The following CAPZA2 variants were observed in gnomAD, a reference collection of about 807,000 sequenced individuals.
CAPZA2 encodes the protein F-actin-capping protein subunit alpha-2.
Under a neutral mutation model 44.0 loss-of-function variants are expected in CAPZA2, and 13 were observed. The observed-to-expected ratio is 0.30, with a 90% CI of 0.19 to 0.47. The LOEUF is 0.47. Ranked by LOEUF, CAPZA2 falls within the 20% of genes least tolerant of loss-of-function variation. The pLI is 1.00. For synonymous variants in CAPZA2, 94 were observed against 108.2 expected (o/e 0.87, Z 0.81); for missense variants, 244 against 338.6 (o/e 0.72, Z 2.19).
At chr7:116,902,985 T>C (rs1490595246) in intron 4 of CAPZA2, among the ~76,000 whole-genome samples, 3 of 152,144 alleles carry the variant, frequency 2.0e-5, no homozygotes, top group African/African-American at 7.2e-5. Flanking sequence ...AGCACTAGGA[T>C]TACAGGCATG....
intron 1 of CAPZA2, chr7:116,880,132 T>C (rs1040621316): frequency 2.6e-5 from 12 of 469,872 alleles, no homozygotes; most frequent in Non-Finnish European, 4.8e-5. Context: ...CCAATTTTTT[T>C]TTAAAGTAAA....
chr7:116,881,398 G>C (rs938206728), intron 1 of CAPZA2, among the ~76,000 whole-genome samples: 2 of 152,002 alleles, frequency 1.3e-5, no homozygotes, highest in Non-Finnish European at 2.9e-5. Context: ...TTTTTCCCCA[G>C]TCTTTAAATA....
chr7:116,921,622 C>G lies in CAPZA2; in HGVS notation c.*3755C>G, dbSNP rs908334838. The G allele has an allele frequency of 6.6e-6, 1 of 152,228 alleles. No individual in the cohort carries two copies. The highest frequency in any genetic ancestry group is 1.5e-5 in the Non-Finnish European group (1 of 68,074). The allele number at this position is 152,228 out of a possible 1,614,324, so 9.4% of individuals were successfully genotyped here. On this transcript the variant is annotated 3_prime_UTR_variant, in exon 10 of 10. Coordinates refer to ENST00000361183, the MANE Select transcript of CAPZA2 (RefSeq NM_006136.3). ...CTTTGAACCCAGGAAGTGACAGTTA[C>G]AACGAGCGGAGACTGTGCCACTTCA...
At chr7:116,890,523 AAAAT>A (rs1796819615) in intron 2 of CAPZA2, among the ~76,000 whole-genome samples, 1 of 38,574 alleles carries the variant, frequency 2.6e-5, no homozygotes, top group Non-Finnish European at 4.3e-5. Context: ...AAAAAAAAAA[AAAAT>A]ATATATATAT....
At chr7:116,863,066 G>A (rs1231439142) in intron 1 of CAPZA2, among the ~76,000 whole-genome samples, 1 of 152,150 alleles carries the variant, frequency 6.6e-6, no homozygotes, top group Non-Finnish European at 1.5e-5. Context: ...CAAGGGCAGT[G>A]CCCAGCGCGG....
intron 1 of CAPZA2, among the ~76,000 whole-genome samples, chr7:116,869,102 G>T (rs1326317639): frequency 2.0e-5 from 3 of 152,200 alleles, no homozygotes; most frequent in Admixed American, 6.5e-5. Flanking sequence ...ACTTGGATCT[G>T]TGGTTCCAAG....
chr7:116,872,512 T>G (rs1368652882), intron 1 of CAPZA2, among the ~76,000 whole-genome samples: 3 of 152,126 alleles, frequency 2.0e-5, no homozygotes, highest in African/African-American at 7.2e-5. Context: ...AGAGGAAAAC[T>G]TATTAAAACA....
At chr7:116,879,124 CAAAAAAAAAAAAA>C (rs71148337) in intron 1 of CAPZA2, among the ~76,000 whole-genome samples, 3 of 45,302 alleles carry the variant, frequency 6.6e-5, no homozygotes, top group African/African-American at 2.2e-4. Context: ...AACTCTGTCT[CAAAAAAAAAAAAA>C]AAAAAAAAAA....
chr7:116,910,936 A>G (rs1240650474), intron 7 of CAPZA2, among the ~76,000 whole-genome samples: 2 of 144,326 alleles, frequency 1.4e-5, no homozygotes, highest in South Asian at 2.2e-4. Flanking sequence ...GGTTGCAGTG[A>G]GCCGAGATTG....
intron 8 of CAPZA2, among the ~76,000 whole-genome samples, chr7:116,913,370 A>T (rs371756021): frequency 6.6e-6 from 1 of 152,138 alleles, no homozygotes; most frequent in African/African-American, 2.4e-5. Flanking sequence ...GTTTTCTTCT[A>T]AAAGTATTAT....
At chr7:116,903,385 G>C (rs1487744144) in intron 4 of CAPZA2, among the ~76,000 whole-genome samples, 2 of 151,942 alleles carry the variant, frequency 1.3e-5, no homozygotes, top group Non-Finnish European at 2.9e-5. Context: ...CTGTGTGTAT[G>C]CAAGTATAGA....
At chr7:116,889,716 T>A (rs918704773) in intron 2 of CAPZA2, among the ~76,000 whole-genome samples, 21 of 152,316 alleles carry the variant, frequency 1.4e-4, no homozygotes, top group Non-Finnish European at 1.0e-4. Context: ...ATTTAGTGCA[T>A]ACAATTACAT....
At chr7:116,901,805 A>C (rs907602328) in intron 4 of CAPZA2, among the ~76,000 whole-genome samples, 1 of 151,608 alleles carries the variant, frequency 6.6e-6, no homozygotes, top group African/African-American at 2.4e-5. Flanking sequence ...TAGAATCCTG[A>C]TCAGTTTTTT....
At chr7:116,915,971 TATAAC>T (rs1791673797) in intron 8 of CAPZA2, 84 bp from the exon 9 acceptor site, 3 of 871,102 alleles carry the variant, frequency 3.4e-6, no homozygotes, top group Non-Finnish European at 5.0e-6. Context: ...TGTTATTTAT[TATAAC>T]ATTACATTAA....
At chr7:116,915,802 T>C (rs2115987384) in intron 8 of CAPZA2, 2 of 230,128 alleles carry the variant, frequency 8.7e-6, no homozygotes, top group African/African-American at 2.3e-5. Flanking sequence ...AATTGAACTT[T>C]TCATCCATGT....
chr7:116,881,192 C>A (rs1019173948), intron 1 of CAPZA2, among the ~76,000 whole-genome samples: 1 of 152,060 alleles, frequency 6.6e-6, no homozygotes, highest in African/African-American at 2.4e-5. Context: ...ACATTCTTAA[C>A]AATTACTACT....
intron 1 of CAPZA2, among the ~76,000 whole-genome samples, chr7:116,877,371 A>G (rs371484599): frequency 6.6e-6 from 1 of 152,228 alleles, no homozygotes. Context: ...ACCACAGTAG[A>G]TAAAAAGATG....
intron 7 of CAPZA2, among the ~76,000 whole-genome samples, chr7:116,911,297 A>G (rs920282367): frequency 1.3e-5 from 2 of 152,178 alleles, no homozygotes; most frequent in Non-Finnish European, 2.9e-5. Context: ...TTTGACATTC[A>G]CACTGCCATC....
At chr7:116,882,705 A>G (rs1484071593) in intron 1 of CAPZA2, among the ~76,000 whole-genome samples, 1 of 152,204 alleles carries the variant, frequency 6.6e-6, no homozygotes, top group Admixed American at 6.5e-5. Context: ...GCGCAATAGA[A>G]TGGAGCATAT....
Sources: gnomAD v4.1 joint callset for allele counts (sites outside exome capture counted in the v4.1 genomes callset) on GRCh38, gnomAD v4.1.1 for gene constraint, MANE v1.5 for transcripts, NCBI Gene and HGNC (gene_info 2026-07-23, HGNC 2026-07-21) for gene names.